Variants in ROR1 observed in about 807,000 individuals in gnomAD.
The protein encoded by ROR1 is inactive tyrosine-protein kinase transmembrane receptor ROR1.
A neutral mutation model predicts 78.8 loss-of-function variants in ROR1; 19 were observed. The ratio of observed to expected loss-of-function variants is 0.24; its 90% CI spans 0.17 to 0.35. The LOEUF (loss-of-function observed/expected upper bound fraction) is 0.35. ROR1 is among the 10% of genes least tolerant of loss of function. The probability of loss-of-function intolerance (pLI) is 1.00; values close to 1 mark genes in which losing one functional copy is unlikely to be tolerated. For missense variants in ROR1, 917 were observed against 1,177.8 expected (o/e 0.78, Z 3.24); for synonymous variants, 386 against 433.6 (o/e 0.89, Z 1.36).
chr1:64,104,839 A>G (rs758933564), intron 4 of ROR1, among the ~76,000 whole-genome samples: 3 of 152,030 alleles, frequency 2.0e-5, no homozygotes, highest in Admixed American at 1.3e-4. Flanking sequence ...TATGTACCAC[A>G]TTTTCTTTAT....
At chr1:64,175,016 T>TA (rs1557684651) in intron 8 of ROR1, among the ~76,000 whole-genome samples, 7 of 150,390 alleles carry the variant, frequency 4.7e-5, no homozygotes, top group African/African-American at 1.7e-4. Flanking sequence ...TTTTTTTTTT[T>TA]TAAAAAAATA....
At chr1:63,867,317 A>G (rs904371025) in intron 1 of ROR1, among the ~76,000 whole-genome samples, 2 of 152,180 alleles carry the variant, frequency 1.3e-5, no homozygotes, top group Non-Finnish European at 2.9e-5. Context: ...ACGGAGGTTT[A>G]TTGGCCTTCC....
intron 4 of ROR1, among the ~76,000 whole-genome samples, chr1:64,051,431 C>G (rs1346808148): frequency 6.9e-6 from 1 of 145,776 alleles, no homozygotes; most frequent in South Asian, 2.2e-4. Flanking sequence ...GCCTGGGCAG[C>G]AGAGTGAGAC....
intron 1 of ROR1, among the ~76,000 whole-genome samples, chr1:63,893,115 G>C (rs1389173934): frequency 6.6e-6 from 1 of 152,114 alleles, no homozygotes; most frequent in East Asian, 1.9e-4. Flanking sequence ...GTGTTTCTTC[G>C]AGGGGAGATT....
At chr1:63,935,397 G>C (rs1019472612) in intron 1 of ROR1, among the ~76,000 whole-genome samples, 4 of 152,184 alleles carry the variant, frequency 2.6e-5, no homozygotes, top group Admixed American at 6.5e-5. Flanking sequence ...TACAGCTAAT[G>C]GGAAGTCAGA....
intron 2 of ROR1, among the ~76,000 whole-genome samples, chr1:64,023,441 C>T (rs1373071709): frequency 2.0e-5 from 3 of 152,094 alleles, no homozygotes; most frequent in Non-Finnish European, 2.9e-5. Flanking sequence ...AGAGATGGCT[C>T]CCAGCTGTTC....
rs143149457 is a variant in ROR1, at chr1:63,796,572, C to T, written c.91+22064C>T. The stretch of plus-strand genomic sequence containing the variant: ...GTTACGAAGAATTTATCCAAGACTG[C>T]ATCAAACATTCTACATAAAATGGGT... On this transcript the variant is annotated intron_variant, in intron 1 of 8. Coordinates refer to ENST00000371079, the MANE Select transcript of ROR1 (RefSeq NM_005012.4). 6.4e-3 allele frequency among the ~76,000 whole-genome samples: 980 copies of T among 152,276 alleles called. 13 individuals carry two copies. Among genetic ancestry groups the T allele is most frequent in the African/African-American group, 0.023 (946 of 41,538 alleles).
At chr1:63,984,511 T>C (rs1350387734) in intron 1 of ROR1, among the ~76,000 whole-genome samples, 1 of 152,214 alleles carries the variant, frequency 6.6e-6, no homozygotes, top group Non-Finnish European at 1.5e-5. Flanking sequence ...CCCTGGCTAA[T>C]TGCACATTAG....
chr1:63,892,167 A>G (rs562155255), intron 1 of ROR1, among the ~76,000 whole-genome samples: 10 of 152,326 alleles, frequency 6.6e-5, no homozygotes, highest in East Asian at 1.9e-4. Context: ...TTAATGGACT[A>G]TGATTAAGAC....
At position 64,108,069 on chromosome 1, in the gene ROR1, TG is replaced by T. The variant is rs1361519175; in HGVS notation, c.483-29299del. ...TTTTTTTGTTTTCTTGTTGTGTGTG[TG>T]TGTGTGTGTGTGTGTGTGTGTGTGT... On this transcript the variant is annotated intron_variant, in intron 4 of 8. Transcript: ENST00000371079. Among the ~76,000 whole-genome samples, 138 of 14,878 alleles carry T rather than the reference TG, an allele frequency of 9.3e-3. 1 individual carries two copies. The highest frequency in any genetic ancestry group is 0.038 in the Middle Eastern group (1 of 26). 9.8% of individuals were successfully genotyped at this position (14,878 alleles called of 152,430 possible). A position where few individuals can be genotyped will look rare whatever the true frequency, so the allele number is the denominator to read the frequency against.
At chr1:64,022,465 G>T (rs1289852929) in intron 2 of ROR1, among the ~76,000 whole-genome samples, 1 of 152,186 alleles carries the variant, frequency 6.6e-6, no homozygotes, top group East Asian at 1.9e-4. Context: ...AAGAGCTTTG[G>T]TCTTGCTATT....
chr1:63,982,318 T>C (rs1401789490), intron 1 of ROR1, among the ~76,000 whole-genome samples: 1 of 152,204 alleles, frequency 6.6e-6, no homozygotes, highest in Non-Finnish European at 1.5e-5. Flanking sequence ...TTTGCAAGCC[T>C]GCGGTGAGGA....
chr1:64,161,578 A>C (rs915447255), intron 8 of ROR1, among the ~76,000 whole-genome samples: 1 of 69,068 alleles, frequency 1.4e-5, no homozygotes, highest in African/African-American at 4.1e-5. Flanking sequence ...CTTCATGGTC[A>C]GAGACAAATG....
At chr1:63,805,055 G>A (rs758245328) in intron 1 of ROR1, among the ~76,000 whole-genome samples, 34 of 152,206 alleles carry the variant, frequency 2.2e-4, no homozygotes, top group Non-Finnish European at 4.1e-4. Flanking sequence ...ATCCCTGAAT[G>A]CGCTGAAAGG....
At chr1:64,012,453 G>A (rs1053093486) in intron 2 of ROR1, among the ~76,000 whole-genome samples, 1 of 152,100 alleles carries the variant, frequency 6.6e-6, no homozygotes, top group African/African-American at 2.4e-5. Context: ...AACTTGGCCT[G>A]GAATTGATTA....
intron 4 of ROR1, among the ~76,000 whole-genome samples, chr1:64,054,401 C>T (rs767631478): frequency 3.3e-5 from 5 of 152,132 alleles, no homozygotes; most frequent in South Asian, 2.1e-4. Flanking sequence ...CTCAGCCTCC[C>T]GAGTAGCTGG....
intron 4 of ROR1, among the ~76,000 whole-genome samples, chr1:64,115,635 A>C (rs1436125917): frequency 1.3e-5 from 2 of 150,886 alleles, no homozygotes; most frequent in African/African-American, 4.9e-5. Context: ...TCACTTAAAA[A>C]GAATAAGCAC....
At chr1:63,797,495 G>T (rs1255687450) in intron 1 of ROR1, among the ~76,000 whole-genome samples, 1 of 152,202 alleles carries the variant, frequency 6.6e-6, no homozygotes, top group Admixed American at 6.5e-5. Context: ...TCAAAAGCAT[G>T]CAGGCCACAA....
At chr1:64,043,063 C>T (rs705533) in intron 2 of ROR1, among the ~76,000 whole-genome samples, 96,316 of 152,154 alleles carry the variant, frequency 0.63, 31,262 homozygotes, top group Admixed American at 0.72. Flanking sequence ...ACTGGCTCCT[C>T]GGCTGACTGG....
Sources: gnomAD v4.1 joint callset for allele counts (sites outside exome capture counted in the v4.1 genomes callset) on GRCh38, gnomAD v4.1.1 for gene constraint, MANE v1.5 for transcripts, NCBI Gene and HGNC (gene_info 2026-07-23, HGNC 2026-07-21) for gene names.